Variants in CCDC51 observed in about 807,000 individuals in gnomAD.
CCDC51 encodes coiled-coil domain containing 51.
In CCDC51, 25 loss-of-function variants were observed where a neutral mutation model predicts 24.8. The observed-to-expected ratio is 1.01, with a 90% CI of 0.73 to 1.41. The LOEUF (loss-of-function observed/expected upper bound fraction) is 1.41. CCDC51 is among the 40% of genes most tolerant of loss of function. CCDC51 has a pLI of 0.00. For synonymous variants in CCDC51, 190 were observed against 204.3 expected, an observed-to-expected ratio of 0.93 and a Z score of 0.60; for missense variants, 466 against 519.1, an observed-to-expected ratio of 0.90 and a Z score of 0.99.
chr3:48,443,241 CAAAAAAAAA>C (rs3082576), upstream of CCDC51, among the ~76,000 whole-genome samples: 9 of 70,538 alleles, frequency 1.3e-4, no homozygotes, highest in Admixed American at 5.2e-4. Context: ...ACTCCATCTC[CAAAAAAAAA>C]AAAAAAAAAA....
upstream of CCDC51, chr3:48,440,669 A>T (rs756580292): frequency 1.3e-6 from 2 of 1,572,656 alleles, no homozygotes; most frequent in East Asian, 4.5e-5. Flanking sequence ...GCCAAACGCT[A>T]TGAGCACCTA....
upstream of CCDC51, among the ~76,000 whole-genome samples, chr3:48,442,279 A>T (rs1575431328): frequency 1.4e-5 from 2 of 142,818 alleles, no homozygotes. Context: ...AAAAAAAAAA[A>T]GGTATCTTGC....
At chr3:48,439,371 C>T (rs936969447) in intron 1 of CCDC51, among the ~76,000 whole-genome samples, 2 of 152,264 alleles carry the variant, frequency 1.3e-5, no homozygotes, top group Non-Finnish European at 2.9e-5. Context: ...CGGTGGCTCA[C>T]GCCTGTAATC....
chr3:48,439,923 T>C (rs1330954236), intron 1 of CCDC51, 65 bp downstream of exon 1: 2 of 344,384 alleles, frequency 5.8e-6, no homozygotes, highest in African/African-American at 2.1e-5. Context: ...AAGCTGTGCT[T>C]TCCTTGGTTC....
In CCDC51 at chr3:48,432,777, G is replaced by A. The variant is rs574672609; in HGVS notation, c.867C>T (p.Pro289=). 3.1e-6 allele frequency: 5 copies of A among 1,614,152 alleles called. No individual in the cohort carries two copies. In the African/African-American group the frequency reaches 6.7e-5, roughly 22 times the overall value. ...CATCTACATCTCTGTCTCTGGTCGG[G>A]GGACTACCTGCCTGTGACCCAGAGT... ...GQDSGSQAGS[P]PTRDRDVDVL... is the part of the protein sequence containing the mutation. The change falls in exon 4 of 4, where the codon CCC becomes CCT. Residue 289 remains proline, a synonymous_variant. Transcript: ENST00000395694.
chr3:48,439,894 GCCTAATCTCCCTC>G (rs1433818212), intron 1 of CCDC51, 81 bp downstream of exon 1: 1 of 285,384 alleles, frequency 3.5e-6, no homozygotes, highest in African/African-American at 2.2e-5. Flanking sequence ...CCATCTCCCC[GCCTAATCTCCCTC>G]CACCCAAGCT....
chr3:48,445,357 T>C (rs2039650479), upstream of CCDC51, among the ~76,000 whole-genome samples: 1 of 152,124 alleles, frequency 6.6e-6, no homozygotes, highest in African/African-American at 2.4e-5. Context: ...ATTAATGTAC[T>C]AGATATTAAC....
chr3:48,444,555 G>A (rs2039633126), upstream of CCDC51, among the ~76,000 whole-genome samples: 1 of 152,196 alleles, frequency 6.6e-6, no homozygotes, highest in Non-Finnish European at 1.5e-5. Flanking sequence ...TTACAGGCAT[G>A]AGCCACTGTG....
In CCDC51 at chr3:48,433,366, C is replaced by T. The variant is rs1194667240; in HGVS notation, c.478-200G>A. 3.3e-5 allele frequency among the ~76,000 whole-genome samples: 5 copies of T among 152,190 alleles called. No homozygotes were observed. Among genetic ancestry groups the T allele is most frequent in the African/African-American group, 1.2e-4 (5 of 41,440 alleles). On this transcript the variant is annotated intron_variant, in intron 3 of 3. Transcript: ENST00000395694. The surrounding 1 kb of genome is among the most constrained non-coding windows in gnomAD (Gnocchi z 4.4). ...GAGTGATCAAAGTGAGTTGCATGAT[C>T]GTCCCACCTGAGCAGTTCTGGGTTT...
intron 1 of CCDC51, among the ~76,000 whole-genome samples, chr3:48,439,317 C>T (rs570610340): frequency 3.5e-4 from 53 of 152,338 alleles, no homozygotes; most frequent in Middle Eastern, 3.4e-3. Flanking sequence ...AGCATCCCAG[C>T]GCTCAGCACT....
upstream of CCDC51, chr3:48,440,479 A>ACTGGCGGGTGCGGGGGCG (rs775953432): frequency 6.2e-7 from 1 of 1,608,700 alleles, no homozygotes; most frequent in South Asian, 1.1e-5. Flanking sequence ...GCGCGGAGGC[A>ACTGGCGGGTGCGGGGGCG]CTGGCGGGTG....
intron 2 of CCDC51, 56 bp downstream of exon 2, chr3:48,434,761 T>C: frequency 1.3e-6 from 2 of 1,488,120 alleles, no homozygotes; most frequent in Non-Finnish European, 1.8e-6. Context: ...CGTGACTGGT[T>C]TGGCACATTT....
At chr3:48,446,603 A>G in the CCDC51 span, 1 of 383,454 alleles carries the variant, frequency 2.6e-6, no homozygotes, top group East Asian at 4.4e-5. Context: ...GAGTCCTTGC[A>G]GCAAACCTGC....
At chr3:48,434,289 A>G (rs1465029846) in intron 2 of CCDC51, among the ~76,000 whole-genome samples, 1 of 152,226 alleles carries the variant, frequency 6.6e-6, no homozygotes, top group Non-Finnish European at 1.5e-5. Flanking sequence ...CTCCAAGGAA[A>G]GAGATGGCAC....
upstream of CCDC51, among the ~76,000 whole-genome samples, chr3:48,442,974 T>C (rs1442886376): frequency 6.6e-6 from 1 of 151,420 alleles, no homozygotes; most frequent in Admixed American, 6.6e-5. Context: ...GCATGGTGGC[T>C]CAAGACTGTA....
Position 48,437,577 on chromosome 3 carries a change from C to G in CCDC51, c.-9+2411G>C, listed in dbSNP as rs1324945581. Among the ~76,000 whole-genome samples the G allele has an allele frequency of 6.6e-6, 1 of 152,114 alleles. No homozygotes were observed. Among genetic ancestry groups the G allele is most frequent in the Non-Finnish European group, 1.5e-5 (1 of 68,022 alleles). On this transcript the variant is annotated intron_variant, in intron 1 of 3. Coordinates refer to ENST00000395694, the MANE Select transcript of CCDC51 (RefSeq NM_001256964.2). This position sits in a 1 kb window ranked among gnomAD's most constrained non-coding sequence, Gnocchi z 4.2. ...GGATGGAGAGGCTGGATAGGTGAAGCAGGGCCCTGAGGGTCAAGTTCGGAA... is the reference window on the plus strand; with the variant it reads ...GGATGGAGAGGCTGGATAGGTGAAGGAGGGCCCTGAGGGTCAAGTTCGGAA...
chr3:48,440,192 C>A, upstream of CCDC51: 1 of 1,505,248 alleles, frequency 6.6e-7, no homozygotes. Context: ...AGTTCAACTT[C>A]CTGACTAGGA....
At chr3:48,440,628 G>C (rs1479411229), upstream of CCDC51, 1 of 1,610,516 alleles carries the variant, frequency 6.2e-7, no homozygotes, top group Non-Finnish European at 8.5e-7. Flanking sequence ...GGGGCCCTTG[G>C]GTAAGTGGGG....
At chr3:48,441,524 A>G (rs546598826), upstream of CCDC51, among the ~76,000 whole-genome samples, 8 of 150,348 alleles carry the variant, frequency 5.3e-5, no homozygotes, top group East Asian at 1.6e-3. Flanking sequence ...TATCTCTAAT[A>G]TATGCTTTTT....
Sources: allele counts gnomAD v4.1 joint callset (sites outside exome capture counted in the v4.1 genomes callset), GRCh38; gene constraint gnomAD v4.1.1; non-coding constraint Gnocchi (gnomAD v3.1); transcripts MANE v1.5; gene names NCBI Gene and HGNC (gene_info 2026-07-23, HGNC 2026-07-21).